CRY1: variants seen among roughly 807,000 people sequenced by gnomAD.
CRY1 encodes the protein cryptochrome circadian regulator 1.
CRY1 carries 45 observed loss-of-function variants against 76.0 expected under a neutral mutation model. That is an observed-to-expected ratio of 0.59 (90% CI 0.47 to 0.76). The LOEUF is 0.76. Ranked by LOEUF, CRY1 falls within the 30% of genes least tolerant of loss-of-function variation. The pLI, the probability that CRY1 is intolerant of heterozygous loss-of-function variation, is 0.00. For synonymous variants in CRY1, 248 were observed against 244.0 expected (o/e 1.02, Z -0.15); for missense variants, 587 against 716.4 (o/e 0.82, Z 2.06).
intron 1 of CRY1, among the ~76,000 whole-genome samples, chr12:107,051,891 G>C (rs1206163055): frequency 1.3e-5 from 2 of 151,954 alleles, no homozygotes; most frequent in Admixed American, 1.3e-4. Flanking sequence ...ACATCTACTT[G>C]GGGACTTTAG....
At chr12:107,052,189 A>G (rs1952931115) in intron 1 of CRY1, among the ~76,000 whole-genome samples, 1 of 75,748 alleles carries the variant, frequency 1.3e-5, no homozygotes, top group African/African-American at 3.0e-5. Context: ...TTCTATACCC[A>G]GTGTAAATAA....
chr12:106,996,269 A>C (rs1952232056), intron 10 of CRY1, among the ~76,000 whole-genome samples: 1 of 152,182 alleles, frequency 6.6e-6, no homozygotes. Flanking sequence ...AATGGCTACA[A>C]GCTCCATCAT....
At chr12:107,075,701 G>C (rs1193690467) in intron 1 of CRY1, among the ~76,000 whole-genome samples, 1 of 152,118 alleles carries the variant, frequency 6.6e-6, no homozygotes, top group Non-Finnish European at 1.5e-5. Flanking sequence ...ATATTACTCT[G>C]AATTCCACAT....
chr12:106,993,482 C>T (rs1440202340), intron 10 of CRY1, among the ~76,000 whole-genome samples: 1 of 151,512 alleles, frequency 6.6e-6, no homozygotes, highest in Admixed American at 6.6e-5. Context: ...GCAGAAGACA[C>T]AGACTATGTG....
rs1455056178 is a variant in CRY1, at chr12:106,991,392, A to G, written c.*610T>C. The G allele has an allele frequency of 6.6e-6, 1 of 152,668 alleles. No homozygotes were observed. The highest frequency in any genetic ancestry group is 1.5e-5 in the Non-Finnish European group (1 of 68,044). The allele number at this position is 152,668 out of a possible 1,614,324, so 9.5% of individuals were successfully genotyped here. A position where few individuals can be genotyped will look rare whatever the true frequency, so the allele number is the denominator to read the frequency against. ...CATATTTGCATATACTTTAATAACA[A>G]GTTCATTTTAGTAATAAATGAACAA... On this transcript the variant is annotated 3_prime_UTR_variant, in exon 13 of 13. Transcript: ENST00000008527.
intron 10 of CRY1, among the ~76,000 whole-genome samples, chr12:106,995,214 A>G (rs2136817284): frequency 6.6e-6 from 1 of 152,318 alleles, no homozygotes; most frequent in Admixed American, 6.5e-5. Flanking sequence ...TTACTGTGAG[A>G]AAGTATGCAA....
chr12:107,006,126 C>T (rs1402786405), intron 2 of CRY1, among the ~76,000 whole-genome samples: 1 of 152,102 alleles, frequency 6.6e-6, no homozygotes, highest in Non-Finnish European at 1.5e-5. Context: ...TGGCTCATGC[C>T]TGTAATCCTA....
intron 1 of CRY1, among the ~76,000 whole-genome samples, chr12:107,074,731 T>A (rs565755021): frequency 6.6e-6 from 1 of 152,314 alleles, no homozygotes; most frequent in East Asian, 1.9e-4. Context: ...TTAAAACTAC[T>A]AAGCTGGGCT....
At chr12:107,029,046 T>C (rs978045835) in intron 1 of CRY1, among the ~76,000 whole-genome samples, 1 of 152,250 alleles carries the variant, frequency 6.6e-6, no homozygotes, top group Non-Finnish European at 1.5e-5. Flanking sequence ...TTGAAATTTA[T>C]GTGTAACTCA....
chr12:107,051,714 T>C (rs1952923395), intron 1 of CRY1, among the ~76,000 whole-genome samples: 2 of 152,192 alleles, frequency 1.3e-5, no homozygotes, highest in Admixed American at 1.3e-4. Context: ...AATAGAAGTA[T>C]ATATACCTTC....
At chr12:107,054,094 A>C (rs1952954612) in intron 1 of CRY1, among the ~76,000 whole-genome samples, 1 of 152,226 alleles carries the variant, frequency 6.6e-6, no homozygotes, top group Non-Finnish European at 1.5e-5. Flanking sequence ...AGAATAAAGA[A>C]CATTGTAAAT....
chr12:107,069,587 GTATATATA>G (rs1200353934), intron 1 of CRY1, among the ~76,000 whole-genome samples: 1 of 40,402 alleles, frequency 2.5e-5, no homozygotes, highest in African/African-American at 4.7e-5. Flanking sequence ...TATATATAAA[GTATATATA>G]TATAAAGTAT....
chr12:107,009,749 T>C (rs1308262153), intron 2 of CRY1, among the ~76,000 whole-genome samples: 1 of 151,230 alleles, frequency 6.6e-6, no homozygotes, highest in Admixed American at 6.6e-5. Context: ...ATAGTGTCTT[T>C]ACAAAAAAAA....
At chr12:107,079,584 T>C (rs1690238445) in intron 1 of CRY1, among the ~76,000 whole-genome samples, 1 of 152,174 alleles carries the variant, frequency 6.6e-6, no homozygotes, top group Admixed American at 6.5e-5. Context: ...TATCTTTTCA[T>C]GCACCACATG....
intron 8 of CRY1, 93 bp from the exon 9 acceptor site, chr12:106,997,783 T>C: frequency 1.3e-6 from 2 of 1,536,218 alleles, no homozygotes; most frequent in Non-Finnish European, 1.8e-6. Context: ...TCAAGACCAT[T>C]TAAATGATCT....
At chr12:107,068,189 AATATTT>A (rs1265563039) in intron 1 of CRY1, among the ~76,000 whole-genome samples, 1 of 152,172 alleles carries the variant, frequency 6.6e-6, no homozygotes, top group Admixed American at 6.5e-5. Context: ...AAAAACCTAA[AATATTT>A]ATCATCTGGC....
chr12:107,075,747 T>C (rs1483566053), intron 1 of CRY1, among the ~76,000 whole-genome samples: 1 of 152,094 alleles, frequency 6.6e-6, no homozygotes, highest in East Asian at 1.9e-4. Context: ...AAAATGGAAG[T>C]GGAAAACTTA....
At chr12:107,029,803 T>A (rs1010746833) in intron 1 of CRY1, among the ~76,000 whole-genome samples, 3 of 152,170 alleles carry the variant, frequency 2.0e-5, no homozygotes, top group Non-Finnish European at 2.9e-5. Flanking sequence ...ATATGTATAT[T>A]ATGTAAATAA....
At chr12:107,012,835 C>T (rs753980157) in intron 2 of CRY1, among the ~76,000 whole-genome samples, 3 of 152,180 alleles carry the variant, frequency 2.0e-5, no homozygotes, top group Middle Eastern at 3.4e-3. Flanking sequence ...CTGAGGGGTT[C>T]AAGACTTCAG....
Sources: gnomAD v4.1 joint callset for allele counts (sites outside exome capture counted in the v4.1 genomes callset) on GRCh38, gnomAD v4.1.1 for gene constraint, MANE v1.5 for transcripts, NCBI Gene and HGNC (gene_info 2026-07-23, HGNC 2026-07-21) for gene names.